GLIS3: variants seen among roughly 807,000 people sequenced by gnomAD.
The protein encoded by GLIS3 is zinc finger protein GLIS3.
GLIS3 carries 53 observed loss-of-function variants against 78.6 expected under a neutral mutation model. The ratio of observed to expected loss-of-function variants is 0.67; its 90% confidence interval spans 0.54 to 0.85. The LOEUF is 0.85. GLIS3 is among the 40% of genes least tolerant of loss of function. The pLI is 0.00. For missense variants in GLIS3, 1,703 were observed against 1,231.1 expected (o/e 1.38, Z -5.74); for synonymous variants, 684 against 509.9 (o/e 1.34, Z -4.60).
chr9:4,321,282 A>C (rs372948857), intron 2 of GLIS3, among the ~76,000 whole-genome samples: 3,179 of 96,302 alleles, frequency 0.033, 500 homozygotes, highest in East Asian at 0.12. Context: ...ATTAGCCGGG[A>C]GTGGTGGCGG....
At chr9:4,428,172 C>T in the GLIS3 span, among the ~76,000 whole-genome samples, 5 of 151,502 alleles carry the variant, frequency 3.3e-5, no homozygotes, top group African/African-American at 9.7e-5. Flanking sequence ...CTCATGCCTA[C>T]CAAAAATAAT....
chr9:4,316,220 T>C (rs1227487056), intron 2 of GLIS3, among the ~76,000 whole-genome samples: 5 of 152,322 alleles, frequency 3.3e-5, no homozygotes, highest in Admixed American at 3.3e-4. Context: ...AGCTAAATTG[T>C]AAAGAATAAT....
At chr9:4,050,001 GACTGTAA>G (rs1825597728) in intron 4 of GLIS3, among the ~76,000 whole-genome samples, 2 of 152,144 alleles carry the variant, frequency 1.3e-5, no homozygotes, top group African/African-American at 4.8e-5. Flanking sequence ...CTGTTGGTGG[GACTGTAA>G]ACTAGTTCAA....
At chr9:4,205,283 T>A (rs938024632) in intron 2 of GLIS3, among the ~76,000 whole-genome samples, 1 of 151,992 alleles carries the variant, frequency 6.6e-6, no homozygotes, top group Non-Finnish European at 1.5e-5. Flanking sequence ...GCACCCCAAT[T>A]CAACTATTTC....
intron 3 of GLIS3, among the ~76,000 whole-genome samples, chr9:4,119,555 G>A (rs147618321): frequency 1.5e-3 from 223 of 152,206 alleles, no homozygotes; most frequent in African/African-American, 5.2e-3. Flanking sequence ...TAATATATAA[G>A]GGAGTAACAA....
chr9:4,169,832 T>G (rs1816217582), intron 2 of GLIS3, among the ~76,000 whole-genome samples: 1 of 152,216 alleles, frequency 6.6e-6, no homozygotes, highest in African/African-American at 2.4e-5. Context: ...ACATTGTTCT[T>G]GCAGTTTTTT....
chr9:4,463,812 T>C, the GLIS3 span, among the ~76,000 whole-genome samples: 1 of 152,222 alleles, frequency 6.6e-6, no homozygotes, highest in Non-Finnish European at 1.5e-5. Flanking sequence ...TCCAAGTTTT[T>C]TCATGGTGAC....
At chr9:3,924,118 C>T (rs749417009) in intron 6 of GLIS3, among the ~76,000 whole-genome samples, 5 of 152,328 alleles carry the variant, frequency 3.3e-5, no homozygotes, top group South Asian at 2.1e-4. Flanking sequence ...AGCTTCGATT[C>T]CAGCTTGCTT....
chr9:4,196,371 C>A (rs559341835), intron 2 of GLIS3, among the ~76,000 whole-genome samples: 1 of 152,320 alleles, frequency 6.6e-6, no homozygotes, highest in East Asian at 1.9e-4. Flanking sequence ...AGCAGGCTGC[C>A]CCAGCCAGCA....
At chr9:4,145,604 C>T (rs915142444) in intron 2 of GLIS3, among the ~76,000 whole-genome samples, 5 of 152,124 alleles carry the variant, frequency 3.3e-5, no homozygotes, top group Admixed American at 6.5e-5. Flanking sequence ...GCATGAACAC[C>T]GACTTTTACA....
the GLIS3 span, among the ~76,000 whole-genome samples, chr9:4,393,491 C>G: frequency 6.6e-6 from 1 of 152,180 alleles, no homozygotes; most frequent in Admixed American, 6.5e-5. Flanking sequence ...CTTATAATAT[C>G]TTTTCTAACC....
At chr9:4,051,509 A>T (rs1358417811) in intron 4 of GLIS3, among the ~76,000 whole-genome samples, 1 of 152,178 alleles carries the variant, frequency 6.6e-6, no homozygotes, top group Non-Finnish European at 1.5e-5. Context: ...CCTAATAACT[A>T]TGTGGATCAG....
At chr9:4,460,072 G>C in the GLIS3 span, among the ~76,000 whole-genome samples, 13 of 152,026 alleles carry the variant, frequency 8.6e-5, no homozygotes, top group African/African-American at 3.1e-4. Flanking sequence ...GACAGATCTT[G>C]ATTAACTTGG....
rs370278575 is a variant in GLIS3, at chr9:3,937,121, G to A, written c.1779C>T (p.Gly593=). The change falls in exon 5 of 11, where the codon GGC becomes GGT. Residue 593 remains glycine (G), a synonymous_variant. Coordinates refer to ENST00000381971, the MANE Select transcript of GLIS3 (RefSeq NM_001042413.2). ...NLKIHLRSHT[G]EKPYLCQHPG... is the part of the protein sequence containing the mutation. Reference sequence around the variant, plus strand: ...GATGCTGGCACAAATACGGCTTCTCGCCTGTGTGGCTCCGCAAGTGGATCT... The same window carrying A: ...GATGCTGGCACAAATACGGCTTCTCACCTGTGTGGCTCCGCAAGTGGATCT... 121 of 1,614,092 alleles carry A rather than the reference G, an allele frequency of 7.5e-5. No individual in the cohort carries two copies. The Middle Eastern group carries it at 8.3e-4, about 11-fold the overall frequency.
intron 2 of GLIS3, among the ~76,000 whole-genome samples, chr9:4,174,896 G>T (rs894418498): frequency 2.0e-5 from 3 of 152,204 alleles, no homozygotes; most frequent in Non-Finnish European, 4.4e-5. Flanking sequence ...ACGCCTGCAA[G>T]AATCTAGATC....
At chr9:3,949,515 C>G (rs1253817418) in intron 4 of GLIS3, among the ~76,000 whole-genome samples, 1 of 152,290 alleles carries the variant, frequency 6.6e-6, no homozygotes, top group Non-Finnish European at 1.5e-5. Flanking sequence ...AAATATCTTA[C>G]AGCGAGATCC....
intron 4 of GLIS3, among the ~76,000 whole-genome samples, chr9:3,991,508 ACACGT>A (rs1563926398): frequency 1.3e-5 from 2 of 152,046 alleles, no homozygotes; most frequent in Non-Finnish European, 2.9e-5. Flanking sequence ...GAAAAATTAA[ACACGT>A]CTCGGAGTCT....
At chr9:4,361,634 T>C in the GLIS3 span, among the ~76,000 whole-genome samples, 1 of 152,240 alleles carries the variant, frequency 6.6e-6, no homozygotes, top group South Asian at 2.1e-4. Flanking sequence ...CCCAAGCTTT[T>C]GGGTCTCCAC....
the GLIS3 span, among the ~76,000 whole-genome samples, chr9:4,359,348 A>C: frequency 6.6e-6 from 1 of 152,124 alleles, no homozygotes; most frequent in Non-Finnish European, 1.5e-5. Flanking sequence ...ATTCACCCAA[A>C]CTGCTTTTGG....
Sources: gnomAD v4.1 joint callset for allele counts (sites outside exome capture counted in the v4.1 genomes callset) on GRCh38, gnomAD v4.1.1 for gene constraint, MANE v1.5 for transcripts, NCBI Gene and HGNC (gene_info 2026-07-23, HGNC 2026-07-21) for gene names.